The following FRMPD3 variants were observed in gnomAD, a reference collection of about 807,000 sequenced individuals.
The protein encoded by FRMPD3 is FERM and PDZ domain-containing protein 3.
A neutral mutation model predicts 97.9 loss-of-function variants in FRMPD3; 42 were observed. The ratio of observed to expected loss-of-function variants is 0.43; its 90% CI spans 0.34 to 0.55. The LOEUF is 0.55. FRMPD3 is among the 20% of genes least tolerant of loss of function. FRMPD3 has a pLI of 0.03. For missense variants in FRMPD3, 1,303 were observed against 1,457.7 expected (o/e 0.89, Z 1.73); for synonymous variants, 577 against 581.1 (o/e 0.99, Z 0.10).
At chrX:107,592,611 C>G (rs921506338) in intron 13 of FRMPD3, among the ~76,000 whole-genome samples, 1 of 110,854 alleles carries the variant, frequency 9.0e-6, no homozygotes. Flanking sequence ...GTGCAAGTGT[C>G]TTTTTCATAT....
At chrX:107,473,480 A>G (rs1410521959) in intron 1 of FRMPD3, among the ~76,000 whole-genome samples, 2 of 111,929 alleles carry the variant, frequency 1.8e-5, no homozygotes, top group Non-Finnish European at 3.8e-5. Context: ...GGCCCTGAAC[A>G]TGATTTCAGG....
chrX:107,589,598 A>G (rs1923810328), intron 13 of FRMPD3, among the ~76,000 whole-genome samples: 1 of 111,536 alleles, frequency 9.0e-6, no homozygotes, highest in Admixed American at 9.6e-5. Context: ...TAAAGGATTC[A>G]CATGCTTATG....
intron 1 of FRMPD3, among the ~76,000 whole-genome samples, chrX:107,453,297 G>A (rs1931322327): frequency 9.0e-6 from 1 of 111,015 alleles, no homozygotes; most frequent in Admixed American, 9.5e-5. Context: ...TGTGGAAAGA[G>A]AGGCTCATGC....
At chrX:107,538,890 C>T (rs1424167592) in intron 4 of FRMPD3, among the ~76,000 whole-genome samples, 1 of 112,335 alleles carries the variant, frequency 8.9e-6, no homozygotes, top group Non-Finnish European at 1.9e-5. Flanking sequence ...AATCCCTGAC[C>T]TCAAGTAATC....
At chrX:107,539,615 A>G (rs993532480) in intron 4 of FRMPD3, among the ~76,000 whole-genome samples, 2 of 110,801 alleles carry the variant, frequency 1.8e-5, no homozygotes, top group Admixed American at 9.7e-5. Context: ...AATGGGAACC[A>G]CCTCAGAGAA....
chrX:107,532,016 A>C (rs750864501), intron 3 of FRMPD3, among the ~76,000 whole-genome samples: 1 of 112,470 alleles, frequency 8.9e-6, no homozygotes, highest in East Asian at 2.8e-4. Context: ...ACTGTTCCAC[A>C]CACCGAAGAT....
chrX:107,466,668 A>G (rs1238927223), intron 1 of FRMPD3, among the ~76,000 whole-genome samples: 1 of 112,312 alleles, frequency 8.9e-6, no homozygotes, highest in Non-Finnish European at 1.9e-5. Flanking sequence ...GTGAGAGGAA[A>G]GGCAAGGAAA....
At chrX:107,580,439 C>G (rs978689974) in intron 13 of FRMPD3, among the ~76,000 whole-genome samples, 5 of 111,875 alleles carry the variant, frequency 4.5e-5, no homozygotes, top group African/African-American at 1.6e-4. Context: ...GTGGACAGGG[C>G]ATTACCTGGC....
intron 4 of FRMPD3, among the ~76,000 whole-genome samples, chrX:107,534,009 C>T (rs1209032871): frequency 1.8e-5 from 2 of 112,032 alleles, no homozygotes; most frequent in African/African-American, 6.5e-5. Flanking sequence ...CTTGGACAAA[C>T]AGATTCATTT....
At position 107,600,974 on chromosome X, in the gene FRMPD3, C is replaced by A. The variant is rs200539181; in HGVS notation, c.2935C>A (p.Pro979Thr). Reference sequence around the variant, plus strand: ...CACTGCTGGTGGGGCTTTGGGGAACCCCCCCAGCAGGGGTGAGAGAAGGCT... The same window carrying A: ...CACTGCTGGTGGGGCTTTGGGGAACACCCCCAGCAGGGGTGAGAGAAGGCT... ...LVTAGGALGN[P>T]PSRGERRLEA... is the part of the protein sequence containing the mutation. Residue 979 changes from proline to threonine, a missense_variant, in exon 15 of 15, where the codon CCC becomes ACC. Physicochemically the swap from Pro to Thr is conservative, Grantham distance 38. Around this residue, in one of 3 missense-constraint regions of FRMPD3, gnomAD observed 764 missense variants for 820.2 expected, o/e 0.93. Coordinates refer to ENST00000683843, the MANE Select transcript of FRMPD3 (RefSeq NM_001388459.1). 7.5e-5 allele frequency: 91 copies of A among 1,206,549 alleles called. No homozygotes were observed. The highest frequency in any genetic ancestry group is 3.6e-5 in the Non-Finnish European group (32 of 893,850).
At chrX:107,540,625 T>C (rs1921249795) in intron 4 of FRMPD3, among the ~76,000 whole-genome samples, 1 of 112,231 alleles carries the variant, frequency 8.9e-6, no homozygotes, top group South Asian at 3.7e-4. Flanking sequence ...TTAGCAATTC[T>C]AGTCCCATGT....
intron 1 of FRMPD3, among the ~76,000 whole-genome samples, chrX:107,455,414 G>A (rs1931358448): frequency 9.0e-6 from 1 of 110,760 alleles, no homozygotes; most frequent in African/African-American, 3.3e-5. Flanking sequence ...CATTAGCTGG[G>A]TATGGTGGTG....
intron 4 of FRMPD3, among the ~76,000 whole-genome samples, chrX:107,540,643 CA>C (rs1211871831): frequency 8.9e-6 from 1 of 111,914 alleles, no homozygotes; most frequent in Non-Finnish European, 1.9e-5. Flanking sequence ...TGTTTCAAGC[CA>C]AAATTCATTT....
intron 13 of FRMPD3, among the ~76,000 whole-genome samples, chrX:107,578,455 C>G (rs1021603140): frequency 8.9e-6 from 1 of 111,855 alleles, no homozygotes; most frequent in East Asian, 2.8e-4. Context: ...CTTGCATTCT[C>G]TATGGGCTAG....
chrX:107,552,498 T>A (rs1297789345), intron 6 of FRMPD3, among the ~76,000 whole-genome samples: 1 of 111,045 alleles, frequency 9.0e-6, no homozygotes, highest in East Asian at 2.8e-4. Flanking sequence ...AGGAGAGAGG[T>A]AGGGAGGGAG....
chrX:107,590,307 G>A (rs963317095), intron 13 of FRMPD3, among the ~76,000 whole-genome samples: 33 of 110,614 alleles, frequency 3.0e-4, no homozygotes, highest in African/African-American at 1.0e-3. Flanking sequence ...TACAGTTTTG[G>A]ATAGAAGTGG....
chrX:107,537,230 G>C (rs1923280491), intron 4 of FRMPD3, among the ~76,000 whole-genome samples: 1 of 111,477 alleles, frequency 9.0e-6, no homozygotes, highest in Admixed American at 9.6e-5. Context: ...TTTCTTTTAA[G>C]ACCTTGTTTG....
In FRMPD3 at chrX:107,586,171, G is replaced by A. The variant is rs952087270; in HGVS notation, c.1441+9712G>A. 5.4e-4 allele frequency among the ~76,000 whole-genome samples: 60 copies of A among 111,785 alleles called. No homozygotes were observed. The Admixed American group carries it at 5.5e-3, about 10-fold the overall frequency. ...CAACTTCTTCCTGGTTTAGTCTTGG[G>A]AGGGTGTATGTGTCCAGGAATTTAT... On this transcript the variant is annotated intron_variant, in intron 13 of 14. Coordinates refer to ENST00000683843, the MANE Select transcript of FRMPD3 (RefSeq NM_001388459.1).
chrX:107,572,737 C>CA (rs930385012), intron 12 of FRMPD3, among the ~76,000 whole-genome samples: 38 of 103,284 alleles, frequency 3.7e-4, no homozygotes, highest in South Asian at 2.6e-3. Context: ...GACTCTGTCT[C>CA]AAAAAAAAAA....
Sources: allele counts gnomAD v4.1 joint callset (sites outside exome capture counted in the v4.1 genomes callset), GRCh38; gene constraint gnomAD v4.1.1; regional missense constraint gnomAD v4.1.1; transcripts MANE v1.5; gene names NCBI Gene and HGNC (gene_info 2026-07-23, HGNC 2026-07-21).